MEGF6: variants seen among roughly 807,000 people sequenced by gnomAD.
The protein encoded by MEGF6 is multiple epidermal growth factor-like domains protein 6.
Under a neutral mutation model 207.1 loss-of-function variants are expected in MEGF6, and 184 were observed. The observed-to-expected ratio is 0.89, with a 90% CI of 0.79 to 1.00. The LOEUF (loss-of-function observed/expected upper bound fraction) is 1.00. Among genes scored for constraint, MEGF6 ranks in the 50% least tolerant of loss-of-function variants. MEGF6 has a pLI of 0.00. For synonymous variants in MEGF6, 1,038 were observed against 910.0 expected, an observed-to-expected ratio of 1.14 and a Z score of -2.53; for missense variants, 2,282 against 2,202.9, an observed-to-expected ratio of 1.04 and a Z score of -0.72.
intron 2 of MEGF6, among the ~76,000 whole-genome samples, chr1:3,597,490 C>T (rs1468841711): frequency 1.3e-5 from 2 of 152,226 alleles, no homozygotes; most frequent in Admixed American, 6.5e-5. Flanking sequence ...TCAGGTCCAC[C>T]CGGCTGTGAC....
intron 4 of MEGF6, among the ~76,000 whole-genome samples, chr1:3,544,722 C>G (rs555065098): frequency 1.3e-5 from 2 of 152,218 alleles, no homozygotes; most frequent in African/African-American, 4.8e-5. Flanking sequence ...CATGCCCCAC[C>G]AAGGCCCGGC....
intron 4 of MEGF6, among the ~76,000 whole-genome samples, chr1:3,570,250 C>A (rs1030002034): frequency 2.0e-5 from 3 of 152,190 alleles, no homozygotes; most frequent in Non-Finnish European, 4.4e-5. Context: ...CCACTTCAGG[C>A]AGAAGGGGCC....
intron 23 of MEGF6, 143 bp downstream of exon 23, chr1:3,499,445 T>C (rs984425522): frequency 5.6e-6 from 8 of 1,416,910 alleles, no homozygotes; most frequent in African/African-American, 4.3e-5. Context: ...ACCAACGCTC[T>C]GGCCCGAGTG....
chr1:3,509,775 G>C (rs1460536792), intron 11 of MEGF6, 95 bp downstream of exon 11: 2 of 1,421,156 alleles, frequency 1.4e-6, no homozygotes, highest in East Asian at 2.6e-5. Flanking sequence ...CCAGGCAGGT[G>C]GGGGTGGGGT....
chr1:3,616,160 G>T (rs922275069), upstream of MEGF6, among the ~76,000 whole-genome samples: 1 of 152,092 alleles, frequency 6.6e-6, no homozygotes, highest in Non-Finnish European at 1.5e-5. Context: ...GCGGGCTGGC[G>T]GTTGCACGCT....
chr1:3,499,709 C>A lies in MEGF6; in HGVS notation c.2844G>T (p.Pro948=). 2 of 1,604,230 alleles carry A rather than the reference C, an allele frequency of 1.2e-6. No homozygotes were observed. Among genetic ancestry groups the A allele is most frequent in the Non-Finnish European group, 1.7e-6 (2 of 1,176,432 alleles). The change falls in exon 23 of 37, where the codon CCG becomes CCT. Residue 948 remains proline, a synonymous_variant. Coordinates refer to ENST00000356575, the MANE Select transcript of MEGF6 (RefSeq NM_001409.4). ...GACAGTCCAATCCAAAGAAGCCGGC[C>A]GGGCAGGCTGCAGACAGCGGGCAGT... ...WRGTFCEHAC[P]AGFFGLDCRS...
Position 3,595,318 on chromosome 1 carries a change from G to A in MEGF6, c.376+20C>T. 1 of 1,547,954 alleles carries A rather than the reference G, an allele frequency of 6.5e-7. No individual in the cohort carries two copies. The highest frequency in any genetic ancestry group is 8.9e-7 in the Non-Finnish European group (1 of 1,126,300). ...GGGGTGGAGGTGGAGGGAGGGCGGG[G>A]AGGCGCAGGCGGCACTCACCCGAGA... On this transcript the variant is annotated intron_variant, in intron 3 of 36. Coordinates refer to ENST00000356575, the MANE Select transcript of MEGF6 (RefSeq NM_001409.4).
chr1:3,514,505 G>A lies in MEGF6; in HGVS notation c.853+45C>T, dbSNP rs553203526. ...GGGTCCCTCCACAGCACCTGGGTGC[G>A]CTTTCTGACCCTGGGCGGGGCGGAG... On this transcript the variant is annotated intron_variant, in intron 7 of 36. Transcript: ENST00000356575. 2.8e-5 allele frequency: 43 copies of A among 1,550,760 alleles called. No individual in the cohort carries two copies. In the African/African-American group the frequency reaches 3.8e-4, roughly 14 times the overall value.
intron 4 of MEGF6, among the ~76,000 whole-genome samples, chr1:3,566,650 C>T (rs550491340): frequency 6.6e-6 from 1 of 152,186 alleles, no homozygotes; most frequent in African/African-American, 2.4e-5. Context: ...CAACGCACTT[C>T]ACGCTATGAG....
chr1:3,498,927 C>T (rs1437509080), intron 24 of MEGF6, 101 bp from the exon 25 acceptor site: 5 of 1,477,320 alleles, frequency 3.4e-6, no homozygotes, highest in Admixed American at 2.0e-5. Context: ...GGGTCAGGCA[C>T]CTTGCAGGGG....
Position 3,526,733 on chromosome 1 carries a change from C to G in MEGF6, c.482-2487G>C, listed in dbSNP as rs79481964. On this transcript the variant is annotated intron_variant, in intron 4 of 36. Coordinates refer to ENST00000356575, the MANE Select transcript of MEGF6 (RefSeq NM_001409.4). ...CCTTTTATCCGACAACCTCACCCAC[C>G]CTGCAGCCGGGTTCACAGATCTGAA... Among the ~76,000 whole-genome samples, 900 of 152,282 alleles carry G rather than the reference C, an allele frequency of 5.9e-3. 43 individuals are homozygous for G. In the East Asian group the frequency reaches 0.12, roughly 21 times the overall value.
At chr1:3,566,399 T>C (rs1232577189) in intron 4 of MEGF6, among the ~76,000 whole-genome samples, 1 of 151,988 alleles carries the variant, frequency 6.6e-6, no homozygotes, top group Non-Finnish European at 1.5e-5. Context: ...CTGAACAGGG[T>C]TGGCACTGGG....
At chr1:3,580,303 G>A (rs534967020) in intron 3 of MEGF6, among the ~76,000 whole-genome samples, 5 of 152,078 alleles carry the variant, frequency 3.3e-5, no homozygotes, top group South Asian at 2.1e-4. Context: ...AGTGGTCAGC[G>A]CTGCACAGCT....
At chr1:3,509,435 A>G (rs1641249561) in intron 11 of MEGF6, among the ~76,000 whole-genome samples, 190 bp from the exon 12 acceptor site, 1 of 151,948 alleles carries the variant, frequency 6.6e-6, no homozygotes, top group African/African-American at 2.4e-5. Flanking sequence ...CCTTCTCAGG[A>G]AAGAGAAGGC....
chr1:3,578,952 G>A (rs1190089501), intron 4 of MEGF6, among the ~76,000 whole-genome samples: 1 of 150,782 alleles, frequency 6.6e-6, no homozygotes, highest in African/African-American at 2.5e-5. Context: ...GGGACCTCCT[G>A]ATTCATCCGA....
At chr1:3,504,216 G>A (rs1486797139) in intron 17 of MEGF6, among the ~76,000 whole-genome samples, 1 of 152,188 alleles carries the variant, frequency 6.6e-6, no homozygotes, top group African/African-American at 2.4e-5. Flanking sequence ...TCACACAGCA[G>A]GCCCTCGTGG....
chr1:3,501,787 G>A lies in MEGF6; in HGVS notation c.2314+9C>T. The stretch of plus-strand genomic sequence containing the variant: ...GGGAGGCGGAACTGGGGCTGCGGCT[G>A]ACACTCACCTGCCTCACAGTCTTCC... On this transcript the variant is annotated intron_variant, in intron 18 of 36. Transcript: ENST00000356575. 6.2e-7 allele frequency: 1 copy of A among 1,610,070 alleles called. No homozygotes were observed. Among genetic ancestry groups the A allele is most frequent in the Non-Finnish European group, 8.5e-7 (1 of 1,178,738 alleles).
chr1:3,620,170 T>C, the MEGF6 span, among the ~76,000 whole-genome samples: 20 of 152,318 alleles, frequency 1.3e-4, no homozygotes, highest in South Asian at 2.1e-4. Context: ...GCTGGCTTTT[T>C]CTGAAAGTGT....
chr1:3,499,464 A>G (rs1178970318), intron 23 of MEGF6, 124 bp downstream of exon 23: 5 of 1,441,368 alleles, frequency 3.5e-6, no homozygotes, highest in Non-Finnish European at 4.6e-6. Flanking sequence ...TGAGCAAAGC[A>G]TCACTCTCAG....
Sources: gnomAD v4.1 joint callset for allele counts (sites outside exome capture counted in the v4.1 genomes callset) on GRCh38, gnomAD v4.1.1 for gene constraint, MANE v1.5 for transcripts, NCBI Gene and HGNC (gene_info 2026-07-23, HGNC 2026-07-21) for gene names.